Variants in TLN2 observed in about 807,000 individuals in gnomAD.
TLN2 encodes the protein talin 2.
Under a neutral mutation model 294.7 loss-of-function variants are expected in TLN2, and 118 were observed. The observed-to-expected ratio is 0.40, with a 90% CI of 0.34 to 0.47. The LOEUF (loss-of-function observed/expected upper bound fraction) is 0.47. TLN2 is among the 20% of genes least tolerant of loss of function. The pLI is 0.84. For missense variants in TLN2, 3,083 were observed against 3,282.2 expected, an observed-to-expected ratio of 0.94 and a Z score of 1.48; for synonymous variants, 1,431 against 1,304.5, an observed-to-expected ratio of 1.10 and a Z score of -2.09.
At chr15:62,583,950 A>G (rs1206062964) in intron 1 of TLN2, among the ~76,000 whole-genome samples, 2 of 152,212 alleles carry the variant, frequency 1.3e-5, no homozygotes, top group Non-Finnish European at 2.9e-5. Context: ...AAAGCAGTGC[A>G]ATGTGATCTC....
At chr15:62,794,003 T>C (rs559384238) in intron 46 of TLN2, among the ~76,000 whole-genome samples, 44 of 151,948 alleles carry the variant, frequency 2.9e-4, no homozygotes, top group African/African-American at 9.4e-4. Flanking sequence ...AATAAATCTC[T>C]CAGCTGGAGG....
At chr15:62,785,086 C>G (rs1056809702) in intron 45 of TLN2, among the ~76,000 whole-genome samples, 1 of 152,200 alleles carries the variant, frequency 6.6e-6, no homozygotes, top group Non-Finnish European at 1.5e-5. Flanking sequence ...ACTTAAGTCT[C>G]TAACAGTGCC....
chr15:62,604,119 A>C (rs776488325), intron 2 of TLN2, among the ~76,000 whole-genome samples: 1 of 152,186 alleles, frequency 6.6e-6, no homozygotes, highest in Non-Finnish European at 1.5e-5. Context: ...AACCCTTTAA[A>C]ATTATAAAAA....
At chr15:62,535,226 G>T (rs1367807425) in intron 1 of TLN2, among the ~76,000 whole-genome samples, 2 of 152,142 alleles carry the variant, frequency 1.3e-5, no homozygotes, top group Non-Finnish European at 2.9e-5. Flanking sequence ...CTGCCCATGG[G>T]AGTCATCTGG....
At chr15:62,602,810 A>G (rs2047108197) in intron 2 of TLN2, among the ~76,000 whole-genome samples, 1 of 151,794 alleles carries the variant, frequency 6.6e-6, no homozygotes, top group Non-Finnish European at 1.5e-5. Flanking sequence ...TATTGGGGAT[A>G]AGGTTTCAGC....
At chr15:62,791,416 G>A (rs1465128112) in intron 45 of TLN2, among the ~76,000 whole-genome samples, 1 of 152,140 alleles carries the variant, frequency 6.6e-6, no homozygotes, top group Non-Finnish European at 1.5e-5. Context: ...TGTCGATCAC[G>A]AGAATATTCT....
intron 1 of TLN2, among the ~76,000 whole-genome samples, chr15:62,478,764 C>G (rs1567012014): frequency 6.6e-6 from 1 of 152,192 alleles, no homozygotes; most frequent in Non-Finnish European, 1.5e-5. Context: ...TGACCTCGCT[C>G]TGGTCAGAGT....
intron 41 of TLN2, among the ~76,000 whole-genome samples, chr15:62,767,711 GT>G (rs2063104089): frequency 6.6e-6 from 1 of 152,234 alleles, no homozygotes; most frequent in African/African-American, 2.4e-5. Context: ...GTCTGAAGAG[GT>G]TTGCAGGGGT....
At position 62,390,567 on chromosome 15, in the gene TLN2, A is replaced by AGCG. The variant is rs906958528; in HGVS notation, c.-347_-345dup. On this transcript the variant is annotated 5_prime_UTR_variant, in exon 1 of 59. Coordinates refer to ENST00000636159, the MANE Select transcript of TLN2 (RefSeq NM_015059.3). ...CGGCTCTTGTTCCGCGCCCGGAGCC[A>AGCG]GCGGCGGCGGCAGCGGCTGAGGCGG... 6.6e-6 allele frequency: 1 copy of AGCG among 152,012 alleles called. No individual in the cohort carries two copies. Among genetic ancestry groups the AGCG allele is most frequent in the African/African-American group, 2.4e-5 (1 of 41,392 alleles). 9.4% of individuals were successfully genotyped at this position (152,012 alleles called of 1,614,324 possible). A position where few individuals can be genotyped will look rare whatever the true frequency, so the allele number is the denominator to read the frequency against.
At chr15:62,805,523 A>G (rs780903412) in intron 50 of TLN2, 77 bp from the exon 51 acceptor site, 58 of 1,427,020 alleles carry the variant, frequency 4.1e-5, no homozygotes, top group Middle Eastern at 1.8e-4. Context: ...CACAAGCTAC[A>G]GCCTGGTTGG....
In TLN2 at chr15:62,711,975, G is replaced by GT; in HGVS notation, c.2533dup (p.Ser845PhefsTer24). 6.2e-7 allele frequency: 1 copy of GT among 1,614,184 alleles called. No individual in the cohort carries two copies. The highest frequency in any genetic ancestry group is 8.5e-7 in the Non-Finnish European group (1 of 1,180,022). ...CATCAGACCTCGTCAATGCCATGAG[G>GT]TCAGATGCAGAAGCCGAAATCGACA... On this transcript the variant is annotated frameshift_variant, in exon 22 of 59. Coordinates refer to ENST00000636159, the MANE Select transcript of TLN2 (RefSeq NM_015059.3). LOFTEE classifies it high-confidence loss of function.
chr15:62,491,351 TACAC>T (rs1166046640), intron 1 of TLN2, among the ~76,000 whole-genome samples: 6,129 of 100,030 alleles, frequency 0.061, 173 homozygotes, highest in Non-Finnish European at 0.076. Context: ...TATATATATA[TACAC>T]ACACACACAC....
chr15:62,800,852 A>G (rs1231312318), intron 50 of TLN2, 83 bp downstream of exon 50: 2 of 1,195,618 alleles, frequency 1.7e-6, no homozygotes, highest in Admixed American at 2.3e-5. Flanking sequence ...TTTTTTACCA[A>G]TGAGGTTTTA....
intron 54 of TLN2, chr15:62,824,135 A>G (rs1398908038): frequency 8.3e-6 from 3 of 360,076 alleles, no homozygotes; most frequent in Non-Finnish European, 1.7e-5. Context: ...ACTCATTACA[A>G]TTCATGTTAT....
intron 2 of TLN2, among the ~76,000 whole-genome samples, chr15:62,610,948 G>A (rs918949294): frequency 6.6e-6 from 1 of 152,104 alleles, no homozygotes; most frequent in South Asian, 2.1e-4. Context: ...AACACAATGG[G>A]CTTCCTTCTA....
At chr15:62,697,625 G>T (rs1197028517) in intron 14 of TLN2, 63 bp from the exon 15 acceptor site, 15 of 1,521,566 alleles carry the variant, frequency 9.9e-6, no homozygotes, top group Non-Finnish European at 1.2e-5. Flanking sequence ...CATCTGTGGG[G>T]TCTCCTCATT....
At chr15:62,444,730 A>G (rs1204596276) in intron 1 of TLN2, among the ~76,000 whole-genome samples, 4 of 152,242 alleles carry the variant, frequency 2.6e-5, no homozygotes, top group Non-Finnish European at 1.5e-5. Flanking sequence ...AGAAAAAGGC[A>G]GCAAGGCAAC....
intron 1 of TLN2, among the ~76,000 whole-genome samples, chr15:62,438,068 A>G (rs1183023300): frequency 6.6e-6 from 1 of 152,112 alleles, no homozygotes; most frequent in Non-Finnish European, 1.5e-5. Context: ...ATGTAGTGGG[A>G]TGAGCTCAGG....
intron 2 of TLN2, among the ~76,000 whole-genome samples, chr15:62,589,980 G>A (rs1287158823): frequency 1.3e-5 from 2 of 151,986 alleles, no homozygotes; most frequent in African/African-American, 2.4e-5. Flanking sequence ...TAGGGGCCCA[G>A]AGGAGGAGCT....
Sources: allele counts gnomAD v4.1 joint callset (sites outside exome capture counted in the v4.1 genomes callset), GRCh38; gene constraint gnomAD v4.1.1; transcripts MANE v1.5; gene names NCBI Gene and HGNC (gene_info 2026-07-23, HGNC 2026-07-21).